PLEKHD1: variants seen among roughly 807,000 people sequenced by gnomAD.
PLEKHD1 encodes the protein pleckstrin homology and coiled-coil domain containing D1.
PLEKHD1 carries 51 observed loss-of-function variants against 69.2 expected under a neutral mutation model. The ratio of observed to expected loss-of-function variants is 0.74; its 90% CI spans 0.59 to 0.93. The LOEUF (loss-of-function observed/expected upper bound fraction) is 0.93. Ranked by LOEUF, PLEKHD1 falls within the 40% of genes least tolerant of loss-of-function variation. PLEKHD1 has a pLI of 0.00. For missense variants in PLEKHD1, 584 were observed against 641.0 expected (o/e 0.91, Z 0.96); for synonymous variants, 236 against 244.7 (o/e 0.96, Z 0.33).
At chr14:69,494,403 A>G (rs769608252) in intron 1 of PLEKHD1, among the ~76,000 whole-genome samples, 1 of 152,172 alleles carries the variant, frequency 6.6e-6, no homozygotes, top group Non-Finnish European at 1.5e-5. Flanking sequence ...GCAGCTCCTT[A>G]GGCAGTGGCT....
chr14:69,469,224 AC>A, the PLEKHD1 span, among the ~76,000 whole-genome samples: 1 of 151,994 alleles, frequency 6.6e-6, no homozygotes, highest in Non-Finnish European at 1.5e-5. Flanking sequence ...AACTAGAGCC[AC>A]TCACCCCTTC....
At chr14:69,505,850 G>C (rs1370607734) in intron 6 of PLEKHD1, among the ~76,000 whole-genome samples, 1 of 152,194 alleles carries the variant, frequency 6.6e-6, no homozygotes, top group Non-Finnish European at 1.5e-5. Flanking sequence ...AGAGCCGGAA[G>C]TCCATGCCCT....
chr14:69,480,985 C>T (rs1249498768), upstream of PLEKHD1, among the ~76,000 whole-genome samples: 2 of 152,182 alleles, frequency 1.3e-5, no homozygotes, highest in Non-Finnish European at 2.9e-5. Flanking sequence ...GGATTCCCTA[C>T]GGTATTCACA....
intron 8 of PLEKHD1, among the ~76,000 whole-genome samples, chr14:69,524,619 G>C (rs1883599127): frequency 6.6e-6 from 1 of 152,168 alleles, no homozygotes; most frequent in Non-Finnish European, 1.5e-5. Flanking sequence ...ATACCAGATA[G>C]AGGATTGGTT....
At chr14:69,513,219 A>AAAAATAAAATAAAAT (rs534420298) in intron 6 of PLEKHD1, among the ~76,000 whole-genome samples, 1 of 151,300 alleles carries the variant, frequency 6.6e-6, no homozygotes, top group African/African-American at 2.4e-5. Flanking sequence ...ACTCCATCTC[A>AAAAATAAAATAAAAT]AAAATAAAAT....
At chr14:69,507,347 T>C (rs959133528) in intron 6 of PLEKHD1, among the ~76,000 whole-genome samples, 5 of 152,228 alleles carry the variant, frequency 3.3e-5, no homozygotes, top group African/African-American at 1.2e-4. Context: ...AGCTCATTTC[T>C]TTTCAGTGCT....
intron 6 of PLEKHD1, among the ~76,000 whole-genome samples, chr14:69,512,879 C>G (rs1594986409): frequency 6.8e-6 from 1 of 146,514 alleles, no homozygotes; most frequent in Non-Finnish European, 1.5e-5. Flanking sequence ...CTGGGCAACA[C>G]AGCAAGGCCC....
Position 69,526,074 on chromosome 14 carries a change from A to T in PLEKHD1, c.875A>T (p.Glu292Val). 1 of 1,551,616 alleles carries T rather than the reference A, an allele frequency of 6.4e-7. No homozygotes were observed. ...GGLHSNLRQI[E>V]EKMQQLLEEK... ...CTCCATAGCAACCTCCGGCAGATCG[A>T]GGAGAAGATGCAGCAGCTCTTAGAG... Residue 292 changes from glutamate (E) to valine (V), a missense_variant, in exon 9 of 13, where the codon GAG becomes GTG. Physicochemically the swap from Glu to Val is moderately radical, Grantham distance 121. Coordinates refer to ENST00000322564, the MANE Select transcript of PLEKHD1 (RefSeq NM_001161498.2).
chr14:69,504,813 G>T (rs149993840), intron 6 of PLEKHD1, among the ~76,000 whole-genome samples: 2 of 152,312 alleles, frequency 1.3e-5, no homozygotes, highest in Non-Finnish European at 2.9e-5. Flanking sequence ...TTGGTCCTCT[G>T]TGTCTCCAGG....
Position 69,528,324 on chromosome 14 carries a change from C to T in PLEKHD1, c.1426C>T (p.Arg476Trp), listed in dbSNP as rs377201116. The T allele has an allele frequency of 3.0e-5, 47 of 1,551,580 alleles. No homozygotes were observed. Among genetic ancestry groups the T allele is most frequent in the African/African-American group, 1.5e-4 (11 of 73,050 alleles). Reference sequence around the variant, plus strand: ...GGAGGAGCTAAAGGAGGTGGCCAAGCGGCTCAGCAGGGACCAGCGCTTCCG... The same window carrying T: ...GGAGGAGCTAAAGGAGGTGGCCAAGTGGCTCAGCAGGGACCAGCGCTTCCG... Reference protein sequence around the residue: ...NMEELKEVAKRLSRDQRFRES... With the variant: ...NMEELKEVAKWLSRDQRFRES... The change falls in exon 13 of 13, where the codon CGG becomes TGG. Residue 476 changes from arginine (R) to tryptophan (W), a missense_variant. Physicochemically the swap from Arg to Trp is moderately radical, Grantham distance 101 (BLOSUM62 -3). Transcript: ENST00000322564.
chr14:69,482,707 C>T (rs1030543529), upstream of PLEKHD1, among the ~76,000 whole-genome samples: 7 of 152,080 alleles, frequency 4.6e-5, no homozygotes, highest in African/African-American at 1.7e-4. Flanking sequence ...TTACCTGCAA[C>T]TCAAAGTCAG....
Position 69,484,840 on chromosome 14 carries a change from C to A in PLEKHD1, c.-126C>A. On this transcript the variant is annotated 5_prime_UTR_variant, in exon 1 of 13. Transcript: ENST00000322564. The stretch of plus-strand genomic sequence containing the variant: ...CGCGCTTTGATGCTGCAGCTCCGGG[C>A]CGGGCCGCTCTGCTTCTCTGCTCGC... The A allele has an allele frequency of 1.7e-6, 2 of 1,172,084 alleles. No individual in the cohort carries two copies. The highest frequency in any genetic ancestry group is 2.4e-6 in the Non-Finnish European group (2 of 848,430). 72.6% of individuals were successfully genotyped at this position (1,172,084 alleles called of 1,614,324 possible). A position where few individuals can be genotyped will look rare whatever the true frequency, so the allele number is the denominator to read the frequency against.
intron 6 of PLEKHD1, among the ~76,000 whole-genome samples, chr14:69,504,061 A>G (rs1291327800): frequency 6.6e-6 from 1 of 152,186 alleles, no homozygotes; most frequent in African/African-American, 2.4e-5. Context: ...ACTTCTCCAA[A>G]TCTTCTTATC....
rs1226939169 is a variant in PLEKHD1, at chr14:69,500,682, C to T, written c.333+16C>T. The T allele has an allele frequency of 6.5e-7, 1 of 1,549,668 alleles. No homozygotes were observed. The highest frequency in any genetic ancestry group is 2.4e-5 in the East Asian group (1 of 40,908). ...GGACTTCCATGTGAGTAAAGCTCTT[C>T]CCTCAGCCTGGGCTCCGCAGGAGCA... On this transcript the variant is annotated intron_variant, in intron 3 of 12. Coordinates refer to ENST00000322564, the MANE Select transcript of PLEKHD1 (RefSeq NM_001161498.2).
upstream of PLEKHD1, among the ~76,000 whole-genome samples, chr14:69,482,155 G>A (rs1047849263): frequency 5.9e-5 from 9 of 152,240 alleles, no homozygotes; most frequent in Non-Finnish European, 1.3e-4. Context: ...TGTATGCAGA[G>A]GGAATAGGTA....
rs989633411 is a variant in PLEKHD1, at chr14:69,509,846, G to C, written c.555+6967G>C. ...CCAGCTACTCAGGAGACTGAGGCAG[G>C]AGAATCACTTGAACCCAGGAGGCAG... On this transcript the variant is annotated intron_variant, in intron 6 of 12. Coordinates refer to ENST00000322564, the MANE Select transcript of PLEKHD1 (RefSeq NM_001161498.2). Among the ~76,000 whole-genome samples the C allele has an allele frequency of 7.2e-5, 11 of 152,034 alleles. No homozygotes were observed. The East Asian group carries it at 1.4e-3, about 19-fold the overall frequency.
chr14:69,475,472 A>G, the PLEKHD1 span, among the ~76,000 whole-genome samples: 370 of 152,246 alleles, frequency 2.4e-3, no homozygotes, highest in Non-Finnish European at 4.4e-3. Context: ...GCCACTCCCA[A>G]AAACGCTTCT....
chr14:69,484,374 G>A (rs578047357), upstream of PLEKHD1, among the ~76,000 whole-genome samples: 20 of 152,312 alleles, frequency 1.3e-4, no homozygotes, highest in African/African-American at 4.3e-4. Context: ...GCGAGCAGGT[G>A]TCTGCAGGAG....
At chr14:69,477,725 C>T in the PLEKHD1 span, among the ~76,000 whole-genome samples, 3 of 152,272 alleles carry the variant, frequency 2.0e-5, no homozygotes, top group Non-Finnish European at 4.4e-5. Context: ...TCTCCTTTGA[C>T]TCCATGTCTC....
Sources: allele counts gnomAD v4.1 joint callset (sites outside exome capture counted in the v4.1 genomes callset), GRCh38; gene constraint gnomAD v4.1.1; transcripts MANE v1.5; gene names NCBI Gene and HGNC (gene_info 2026-07-23, HGNC 2026-07-21).